Variants in SNX31 observed in about 807,000 individuals in gnomAD.
The protein encoded by SNX31 is sorting nexin-31.
Under a neutral mutation model 65.4 loss-of-function variants are expected in SNX31, and 58 were observed. The ratio of observed to expected loss-of-function variants is 0.89; its 90% CI spans 0.72 to 1.10. The LOEUF is 1.10. Ranked by LOEUF, SNX31 falls within the 50% of genes least tolerant of loss-of-function variation. The pLI, the probability that SNX31 is intolerant of heterozygous loss-of-function variation, is 0.00. For missense variants in SNX31, 523 were observed against 529.7 expected, an observed-to-expected ratio of 0.99 and a Z score of 0.12; for synonymous variants, 181 against 190.1, an observed-to-expected ratio of 0.95 and a Z score of 0.39.
intron 7 of SNX31, 82 bp downstream of exon 7, chr8:100,611,918 G>T: frequency 9.5e-7 from 1 of 1,056,186 alleles, no homozygotes; most frequent in Non-Finnish European, 1.5e-6. Flanking sequence ...CTATGAGCAG[G>T]ATGTGACGGG....
At chr8:100,636,701 A>C (rs1258131299) in intron 2 of SNX31, among the ~76,000 whole-genome samples, 1 of 152,094 alleles carries the variant, frequency 6.6e-6, no homozygotes, top group Non-Finnish European at 1.5e-5. Context: ...TAAATTACAC[A>C]GGTGACTCAT....
chr8:100,608,913 C>T (rs1479887106), intron 7 of SNX31, among the ~76,000 whole-genome samples: 2 of 152,164 alleles, frequency 1.3e-5, no homozygotes, highest in East Asian at 3.9e-4. Context: ...CTGCCCCACA[C>T]AGACCTACCC....
At chr8:100,644,225 G>A (rs1819470588) in intron 2 of SNX31, among the ~76,000 whole-genome samples, 1 of 152,112 alleles carries the variant, frequency 6.6e-6, no homozygotes, top group South Asian at 2.1e-4. Context: ...TCCTACTGAC[G>A]GGTCCTTTGC....
chr8:100,600,869 CCAA>C (rs1322061879), intron 8 of SNX31, among the ~76,000 whole-genome samples: 36 of 152,028 alleles, frequency 2.4e-4, no homozygotes, highest in East Asian at 2.1e-3. Flanking sequence ...TACCTGAAAA[CCAA>C]CAACAACAAA....
At chr8:100,645,034 TG>T (rs994978720) in intron 2 of SNX31, among the ~76,000 whole-genome samples, 2 of 152,258 alleles carry the variant, frequency 1.3e-5, no homozygotes, top group Admixed American at 6.5e-5. Context: ...CCACCTCACC[TG>T]TGCCAGGTAC....
chr8:100,579,670 A>G (rs566545398), intron 12 of SNX31, among the ~76,000 whole-genome samples: 15 of 152,206 alleles, frequency 9.9e-5, no homozygotes, highest in Admixed American at 2.0e-4. Context: ...CACCTTGCCT[A>G]AAAGGAAAGA....
In SNX31 at chr8:100,610,388, A is replaced by G. The variant is rs1816605636; in HGVS notation, c.611+1612T>C. Among the ~76,000 whole-genome samples, 2 of 149,268 alleles carry G rather than the reference A, an allele frequency of 1.3e-5. No homozygotes were observed. The highest frequency in any genetic ancestry group is 6.7e-5 in the Admixed American group (1 of 14,982). On this transcript the variant is annotated intron_variant, in intron 7 of 13. Transcript: ENST00000311812. This position sits in a 1 kb window ranked among gnomAD's most constrained non-coding sequence, Gnocchi z 4.0. ...TTTTTTTTTTTTGCTTCCTATAATC[A>G]CCATCATCATCAATATAACAGTCAC...
At chr8:100,597,644 G>T (rs1446269560) in intron 9 of SNX31, among the ~76,000 whole-genome samples, 1 of 152,230 alleles carries the variant, frequency 6.6e-6, no homozygotes, top group African/African-American at 2.4e-5. Context: ...AATTGCCAGA[G>T]AAAGAGATTT....
At chr8:100,647,038 C>T (rs1819689772) in intron 2 of SNX31, among the ~76,000 whole-genome samples, 1 of 152,166 alleles carries the variant, frequency 6.6e-6, no homozygotes, top group Non-Finnish European at 1.5e-5. Context: ...TAAGCTATTA[C>T]AGGTAAAGTG....
In SNX31 at chr8:100,609,598, G is replaced by A. The variant is rs1816520376; in HGVS notation, c.612-1035C>T. Among the ~76,000 whole-genome samples the A allele has an allele frequency of 6.6e-6, 1 of 152,132 alleles. No individual in the cohort carries two copies. The highest frequency in any genetic ancestry group is 1.9e-4 in the East Asian group (1 of 5,194). ...AAACTGTCAGGAAAGGGTACCTATG[G>A]CTGATCTCTACCAACCAGAAGGCAG... On this transcript the variant is annotated intron_variant, in intron 7 of 13. Transcript: ENST00000311812. This position sits in a 1 kb window ranked among gnomAD's most constrained non-coding sequence, Gnocchi z 4.9.
chr8:100,651,753 C>G (rs1040254422), upstream of SNX31, among the ~76,000 whole-genome samples: 1 of 152,216 alleles, frequency 6.6e-6, no homozygotes. Flanking sequence ...ATTTAATTCT[C>G]ACAATTGCCT....
At chr8:100,631,093 C>T (rs1297102312) in intron 3 of SNX31, among the ~76,000 whole-genome samples, 1 of 151,950 alleles carries the variant, frequency 6.6e-6, no homozygotes, top group Non-Finnish European at 1.5e-5. Context: ...CGGCCGAGAG[C>T]ACCCCTTTGA....
chr8:100,641,565 AAT>A (rs1237945389), intron 2 of SNX31, among the ~76,000 whole-genome samples: 349 of 32,070 alleles, frequency 0.011, 3 homozygotes, highest in Non-Finnish European at 0.013. Context: ...AAAAAAAAAA[AAT>A]ATATATATAT....
At chr8:100,662,105 A>G (rs1198603201) in intron 1 of SNX31, among the ~76,000 whole-genome samples, 2 of 152,172 alleles carry the variant, frequency 1.3e-5, no homozygotes, top group Non-Finnish European at 2.9e-5. Context: ...GATTACAGGC[A>G]TGAACCACCG....
In SNX31 at chr8:100,636,617, T is replaced by A. The variant is rs532586832; in HGVS notation, c.142-606A>T. 2.0e-5 allele frequency among the ~76,000 whole-genome samples: 3 copies of A among 152,372 alleles called. No homozygotes were observed. In the South Asian group the frequency reaches 6.2e-4, roughly 32 times the overall value. ...TGATAATATTTTGGATATATTGAAT[T>A]AAATAAAATATATTATTAAAATTAA... is the stretch of plus-strand genomic sequence containing the variant. On this transcript the variant is annotated intron_variant, in intron 2 of 13. Transcript: ENST00000311812.
intron 1 of SNX31, chr8:100,657,595 C>T: frequency 2.2e-6 from 1 of 445,906 alleles, no homozygotes; most frequent in South Asian, 1.6e-5. Flanking sequence ...CCTGTGGAGT[C>T]CAGACTGTGC....
At chr8:100,620,739 C>A (rs772407193) in intron 4 of SNX31, among the ~76,000 whole-genome samples, 15 of 152,160 alleles carry the variant, frequency 9.9e-5, no homozygotes, top group Non-Finnish European at 1.0e-4. Flanking sequence ...CATAACAACT[C>A]CATGAGGCAT....
At chr8:100,608,355 G>T in intron 8 of SNX31, 139 bp downstream of exon 8, 1 of 736,608 alleles carries the variant, frequency 1.4e-6, no homozygotes. Context: ...GGTAATCTCT[G>T]TTCTACTTTC....
chr8:100,589,486 C>T (rs1481803769), intron 10 of SNX31, among the ~76,000 whole-genome samples: 1 of 152,080 alleles, frequency 6.6e-6, no homozygotes, highest in Non-Finnish European at 1.5e-5. Context: ...AGGAGGGGCA[C>T]CTAACCCAGG....
Sources: gnomAD v4.1 joint callset for allele counts (sites outside exome capture counted in the v4.1 genomes callset) on GRCh38, gnomAD v4.1.1 for gene constraint, Gnocchi (gnomAD v3.1) non-coding constraint, MANE v1.5 for transcripts, NCBI Gene and HGNC (gene_info 2026-07-23, HGNC 2026-07-21) for gene names.